The following VWF variants were observed in gnomAD, a reference collection of about 807,000 sequenced individuals.
VWF encodes the protein von Willebrand factor, also known as Factor VIII related antigen.
A neutral mutation model predicts 308.6 loss-of-function variants in VWF; 176 were observed. That is an observed-to-expected ratio of 0.57 (90% confidence interval 0.50 to 0.65). The LOEUF is 0.65. Among genes scored for constraint, VWF ranks in the 30% least tolerant of loss-of-function variants. The pLI is 0.00. For missense variants in VWF, 3,146 were observed against 3,648.2 expected, an observed-to-expected ratio of 0.86 and a Z score of 3.55; for synonymous variants, 1,385 against 1,443.4, an observed-to-expected ratio of 0.96 and a Z score of 0.92.
At position 5,994,140 on chromosome 12, in the gene VWF, C is replaced by T. The variant is rs377640206; in HGVS notation, c.6320G>A (p.Trp2107Ter). The change falls in exon 37 of 52, where the codon TGG becomes TAG. Residue 2107 changes from tryptophan to a stop codon, truncating the protein, a stop_gained. Coordinates refer to ENST00000261405, the MANE Select transcript of VWF (RefSeq NM_000552.5). LOFTEE classifies it high-confidence loss of function. ...AGTCCATTCCTGAACAAGTGTTTTCCAGTCTGTGGTGACTGTGCCATCCCT... is the reference window on the plus strand; with the variant it reads ...AGTCCATTCCTGAACAAGTGTTTTCTAGTCTGTGGTGACTGTGCCATCCCT... ...MLRDGTVTTD[W>*]KTLVQEWTVQ... 2 of 1,614,164 alleles carry T rather than the reference C, an allele frequency of 1.2e-6. No individual in the cohort carries two copies. The highest frequency in any genetic ancestry group is 1.1e-5 in the South Asian group (1 of 91,074).
intron 7 of VWF, among the ~76,000 whole-genome samples, chr12:6,074,940 C>T (rs373813802): frequency 2.9e-4 from 44 of 152,274 alleles, no homozygotes; most frequent in African/African-American, 1.0e-3. Flanking sequence ...TCACCACACA[C>T]GGACAGCCAG....
At chr12:5,976,924 A>G (rs748389347) in intron 42 of VWF, among the ~76,000 whole-genome samples, 1 of 152,206 alleles carries the variant, frequency 6.6e-6, no homozygotes, top group African/African-American at 2.4e-5. Flanking sequence ...ATGAGGAGCT[A>G]AGGAAGCTGT....
Position 6,036,398 on chromosome 12 carries a change from A to T in VWF, c.2536T>A (p.Cys846Ser). 6.2e-7 allele frequency: 1 copy of T among 1,614,198 alleles called. No individual in the cohort carries two copies. ...CTCACTGAGCCTCACCAAGTGTTGC[A>T]GCCAATCTTCACTGTTTCTCCAGGG... is the stretch of plus-strand genomic sequence containing the variant. ...YAPGETVKIG[C>S]NTCVCQDRKW... is the part of the protein sequence containing the mutation. The change falls in exon 19 of 52, where the codon TGC becomes AGC. Residue 846 changes from cysteine to serine, a missense_variant. Physicochemically the swap from Cys to Ser is moderately radical, Grantham distance 112 (BLOSUM62 -1). Transcript: ENST00000261405.
intron 16 of VWF, among the ~76,000 whole-genome samples, chr12:6,049,569 G>A (rs763710871): frequency 5.9e-5 from 9 of 152,250 alleles, no homozygotes; most frequent in East Asian, 3.9e-4. Context: ...AAATTCAACC[G>A]TCTATTCTCA....
chr12:6,072,029 G>A (rs1163124027), intron 9 of VWF, among the ~76,000 whole-genome samples: 3 of 152,166 alleles, frequency 2.0e-5, no homozygotes, highest in Non-Finnish European at 4.4e-5. Context: ...CTCCTCCAGG[G>A]GGAAAGGATC....
chr12:6,008,888 G>A (rs1350771604), intron 34 of VWF, among the ~76,000 whole-genome samples: 1 of 152,090 alleles, frequency 6.6e-6, no homozygotes, highest in Non-Finnish European at 1.5e-5. Context: ...CTGTCCACAT[G>A]AAAAAGAATG....
chr12:6,045,995 G>A (rs914405936), intron 17 of VWF, among the ~76,000 whole-genome samples: 1 of 152,168 alleles, frequency 6.6e-6, no homozygotes, highest in African/African-American at 2.4e-5. Flanking sequence ...GGCCGAGGCA[G>A]GCAGATCACT....
At chr12:6,121,116 A>T in intron 3 of VWF, 58 bp downstream of exon 3, 1 of 1,609,422 alleles carries the variant, frequency 6.2e-7, no homozygotes, top group East Asian at 2.2e-5. Flanking sequence ...CCCCCACACC[A>T]GGGCTAAGCT....
chr12:5,966,467 TTC>T (rs1943405848), intron 47 of VWF, among the ~76,000 whole-genome samples: 1 of 152,226 alleles, frequency 6.6e-6, no homozygotes, highest in South Asian at 2.1e-4. Flanking sequence ...CGCTCCATAC[TTC>T]TTTTATTAAG....
chr12:6,065,247 G>T lies in VWF; in HGVS notation c.1183C>A (p.His395Asn), dbSNP rs1402782763. Residue 395 changes from histidine to asparagine, a missense_variant, in exon 11 of 52, where the codon CAC (histidine) becomes AAC (asparagine). By Grantham distance (68) the His-to-Asn change is moderately conservative. Transcript: ENST00000261405. ...PGECLVTGQS[H>N]FKSFDNRYFT... ...TATCTGTTGTCAAAGCTCTTGAAGTGTGATTGACCTGTGACAAGGCACTCC... is the reference window on the plus strand; with the variant it reads ...TATCTGTTGTCAAAGCTCTTGAAGTTTGATTGACCTGTGACAAGGCACTCC... The T allele has an allele frequency of 6.2e-7, 1 of 1,614,050 alleles. No individual in the cohort carries two copies. Among genetic ancestry groups the T allele is most frequent in the Admixed American group, 1.7e-5 (1 of 60,002 alleles).
chr12:6,082,195 G>C (rs1406277818), intron 6 of VWF, among the ~76,000 whole-genome samples: 1 of 152,146 alleles, frequency 6.6e-6, no homozygotes, highest in African/African-American at 2.4e-5. Context: ...TCGAACTCCT[G>C]ACCTCATGAT....
intron 44 of VWF, among the ~76,000 whole-genome samples, chr12:5,971,230 AC>A (rs1943469283): frequency 6.6e-6 from 1 of 152,158 alleles, no homozygotes; most frequent in South Asian, 2.1e-4. Flanking sequence ...AGGTCTGAGG[AC>A]CCTGCCTGGG....
rs368276045 is a variant in VWF at position 6,053,232 on chromosome 12, CAAT to C, written c.1946-452_1946-450del. Among the ~76,000 whole-genome samples the C allele has an allele frequency of 1.2e-3, 188 of 152,330 alleles. 1 individual carries two copies. The highest frequency in any genetic ancestry group is 4.3e-3 in the African/African-American group (177 of 41,572). On this transcript the variant is annotated intron_variant, in intron 15 of 51. Transcript: ENST00000261405. The stretch of plus-strand genomic sequence containing the variant: ...CGGGCAAGGGCATACCCCGTGACAA[CAAT>C]GAGTACCATTTATGGAGCACCTACT...
intron 16 of VWF, among the ~76,000 whole-genome samples, chr12:6,047,597 C>A (rs550412799): frequency 2.6e-5 from 4 of 152,372 alleles, no homozygotes; most frequent in African/African-American, 9.6e-5. Context: ...AGACAAGACA[C>A]TATGACCTCT....
chr12:6,092,925 G>T (rs1945066207), intron 6 of VWF, among the ~76,000 whole-genome samples: 1 of 151,902 alleles, frequency 6.6e-6, no homozygotes, highest in Non-Finnish European at 1.5e-5. Flanking sequence ...CCCATAACCT[G>T]TTAAATATGT....
Position 6,075,652 on chromosome 12 carries a change from A to C in VWF, c.658-101T>G. The C allele has an allele frequency of 7.7e-7, 1 of 1,303,438 alleles. No individual in the cohort carries two copies. Among genetic ancestry groups the C allele is most frequent in the Non-Finnish European group, 1.1e-6 (1 of 923,696 alleles). 80.7% of individuals were successfully genotyped at this position (1,303,438 alleles called of 1,614,324 possible). A position where few individuals can be genotyped will look rare whatever the true frequency, so the allele number is the denominator to read the frequency against. On this transcript the variant is annotated intron_variant, in intron 6 of 51. Transcript: ENST00000261405. This position sits in a 1 kb window ranked among gnomAD's most constrained non-coding sequence, Gnocchi z 4.7. ...CTAGGGAAACCAAGGCAGCTCCCTC[A>C]GCACCTGGGACAGGCTGGCACCAAG... is the stretch of plus-strand genomic sequence containing the variant.
At chr12:6,072,474 A>C (rs765041683) in intron 8 of VWF, 32 bp from the exon 9 acceptor site, 10 of 1,547,302 alleles carry the variant, frequency 6.5e-6, no homozygotes, top group Non-Finnish European at 8.0e-6. Context: ...CAAAGGCCTC[A>C]ACATTGTCAT....
At chr12:6,064,457 A>G in intron 11 of VWF, 73 bp from the exon 12 acceptor site, 1 of 1,596,698 alleles carries the variant, frequency 6.3e-7, no homozygotes, top group Non-Finnish European at 8.5e-7. Flanking sequence ...GGACCCTCTT[A>G]ATCAGAGAAA....
chr12:6,092,654 T>G (rs956839713), intron 6 of VWF, among the ~76,000 whole-genome samples: 1 of 134,064 alleles, frequency 7.5e-6, no homozygotes, highest in Non-Finnish European at 1.5e-5. Context: ...TGTGTGTGTG[T>G]GTGTGTGTGT....
Sources: gnomAD v4.1 joint callset for allele counts (sites outside exome capture counted in the v4.1 genomes callset) on GRCh38, gnomAD v4.1.1 for gene constraint, Gnocchi (gnomAD v3.1) non-coding constraint, MANE v1.5 for transcripts, NCBI Gene and HGNC (gene_info 2026-07-23, HGNC 2026-07-21) for gene names.